The following TUBE1 variants were observed in gnomAD, a reference collection of about 807,000 sequenced individuals.
TUBE1 encodes the protein tubulin epsilon 1.
Under a neutral mutation model 53.5 loss-of-function variants are expected in TUBE1, and 34 were observed. The observed-to-expected ratio is 0.64, with a 90% CI of 0.48 to 0.85. The LOEUF is 0.85. TUBE1 is among the 40% of genes least tolerant of loss of function. The pLI, the probability that TUBE1 is intolerant of heterozygous loss-of-function variation, is 0.00. For synonymous variants in TUBE1, 177 were observed against 198.4 expected, an observed-to-expected ratio of 0.89 and a Z score of 0.91; for missense variants, 532 against 570.5, an observed-to-expected ratio of 0.93 and a Z score of 0.69.
At position 112,071,892 on chromosome 6, in the gene TUBE1, C is replaced by T. The variant is rs200707249; in HGVS notation, c.1269+10G>A. On this transcript the variant is annotated intron_variant, in intron 11 of 11. Coordinates refer to ENST00000368662, the MANE Select transcript of TUBE1 (RefSeq NM_016262.5). ...AAACACATACAGTTACAAAGCTGTA[C>T]AATAATTACCTTTTTCTTGTAGAGC... 6.3e-5 allele frequency: 100 copies of T among 1,588,470 alleles called. No homozygotes were observed. The highest frequency in any genetic ancestry group is 1.8e-4 in the African/African-American group (13 of 73,612).
chr6:112,081,047 CATTT>C, intron 5 of TUBE1, 41 bp downstream of exon 5: 1 of 1,214,696 alleles, frequency 8.2e-7, no homozygotes, highest in Non-Finnish European at 1.2e-6. Context: ...AAAGATTGCT[CATTT>C]TTTTCAGAAG....
intron 3 of TUBE1, chr6:112,085,604 A>T: frequency 2.2e-6 from 1 of 462,646 alleles, no homozygotes; most frequent in Non-Finnish European, 4.5e-6. Context: ...AATAAGAGGG[A>T]ATCTATAGTC....
Position 112,087,117 on chromosome 6 carries a change from G to A in TUBE1, c.99+116C>T, listed in dbSNP as rs1451430836. The A allele has an allele frequency of 5.8e-6, 5 of 865,372 alleles. No individual in the cohort carries two copies. The Admixed American group carries it at 8.3e-5, about 14-fold the overall frequency. The allele number at this position is 865,372 out of a possible 1,614,324, so 53.6% of individuals were successfully genotyped here. On this transcript the variant is annotated intron_variant, in intron 2 of 11. Coordinates refer to ENST00000368662, the MANE Select transcript of TUBE1 (RefSeq NM_016262.5). ...TTTAAAAACCAGTACGTTCTTTACT[G>A]GGAAGATCCCATGCATCTTAAACGG...
chr6:112,074,750 G>GT lies in TUBE1; in HGVS notation c.912dup (p.Pro305ThrfsTer9). On this transcript the variant is annotated frameshift_variant, in exon 9 of 12. Transcript: ENST00000368662. LOFTEE classifies it high-confidence loss of function. The stretch of plus-strand genomic sequence containing the variant: ...TTAACATCTGTCAGTGTATACAGAG[G>GT]TGTTAGGCTTGACACGAGATAATGA... 6.2e-7 allele frequency: 1 copy of GT among 1,606,864 alleles called. No homozygotes were observed. Among genetic ancestry groups the GT allele is most frequent in the Non-Finnish European group, 8.5e-7 (1 of 1,177,026 alleles).
Position 112,072,093 on chromosome 6 carries a change from A to G in TUBE1, c.1095-17T>C, listed in dbSNP as rs368208394. The G allele has an allele frequency of 1.0e-4, 157 of 1,566,828 alleles. No homozygotes were observed. The highest frequency in any genetic ancestry group is 1.3e-4 in the Non-Finnish European group (154 of 1,163,966). On this transcript the variant is annotated splice_polypyrimidine_tract_variant and intron_variant, in intron 10 of 11. Transcript: ENST00000368662. ...GGTTTTAATCTGAGATTAAAAAAAA[A>G]AATCTCAGAAGGTGAGAACTAAGGT...
At chr6:112,086,846 T>A (rs1777167046) in intron 2 of TUBE1, 1 of 517,940 alleles carries the variant, frequency 1.9e-6, no homozygotes, top group Non-Finnish European at 3.4e-6. Context: ...CATAGGACTG[T>A]AGGACAGGTC....
chr6:112,071,056 A>G lies in TUBE1; in HGVS notation c.*356T>C, dbSNP rs1426759152. The G allele has an allele frequency of 2.0e-5, 3 of 151,908 alleles. No individual in the cohort carries two copies. Among genetic ancestry groups the G allele is most frequent in the Non-Finnish European group, 2.9e-5 (2 of 67,970 alleles). The allele number at this position is 151,908 out of a possible 1,614,324, so 9.4% of individuals were successfully genotyped here. Reference sequence around the variant, plus strand: ...ACTTAAATAGAATATCAAAATATAAATTATAAATAATTATAAAAATATATC... The same window carrying G: ...ACTTAAATAGAATATCAAAATATAAGTTATAAATAATTATAAAAATATATC... On this transcript the variant is annotated 3_prime_UTR_variant, in exon 12 of 12. Coordinates refer to ENST00000368662, the MANE Select transcript of TUBE1 (RefSeq NM_016262.5).
intron 1 of TUBE1, 29 bp downstream of exon 1, chr6:112,087,381 C>G: frequency 6.4e-7 from 1 of 1,551,398 alleles, no homozygotes. Context: ...CCGCGGCGAC[C>G]AGGTCTCTAC....
chr6:112,081,032 T>G, intron 5 of TUBE1, 60 bp downstream of exon 5: 2 of 1,078,952 alleles, frequency 1.9e-6, no homozygotes, highest in Admixed American at 1.8e-5. Context: ...AATCTCACAA[T>G]GAAGAAAGAT....
chr6:112,079,799 T>G (rs782041991), intron 5 of TUBE1, 45 bp from the exon 6 acceptor site: 3 of 1,561,194 alleles, frequency 1.9e-6, no homozygotes, highest in Admixed American at 4.0e-5. Context: ...GCATTTATTT[T>G]TTTATTTGAT....
At chr6:112,073,590 G>T (rs1156448407) in intron 9 of TUBE1, among the ~76,000 whole-genome samples, 1 of 152,080 alleles carries the variant, frequency 6.6e-6, no homozygotes, top group Admixed American at 6.6e-5. Context: ...GCTTGTTAAG[G>T]TCATCAGCAT....
chr6:112,076,562 G>A lies in TUBE1; in HGVS notation c.449-53C>T, dbSNP rs148047112. On this transcript the variant is annotated intron_variant, in intron 6 of 11. Transcript: ENST00000368662. ...AGCATAAATGATTCAGAATATAATTGTGAAGAATTTGAAACTTTATTTTTT... is the reference window on the plus strand; with the variant it reads ...AGCATAAATGATTCAGAATATAATTATGAAGAATTTGAAACTTTATTTTTT... The A allele has an allele frequency of 5.6e-5, 82 of 1,458,944 alleles. No individual in the cohort carries two copies. The African/African-American group carries it at 7.6e-4, about 14-fold the overall frequency. The allele number at this position is 1,458,944 out of a possible 1,614,324, so 90.4% of individuals were successfully genotyped here.
At chr6:112,081,050 T>C in intron 5 of TUBE1, 42 bp downstream of exon 5, 1 of 1,264,332 alleles carries the variant, frequency 7.9e-7, no homozygotes, top group Non-Finnish European at 1.1e-6. Flanking sequence ...GATTGCTCAT[T>C]TTTTTCAGAA....
rs141844356 is a variant in TUBE1 at position 112,084,206 on chromosome 6, A to G, written c.193T>C (p.Cys65Arg). The part of the protein sequence containing the change: ...DGGSISKGKI[C>R]SLKARAVLID... ...TATCTTACTCGTGCTTTTAAAGAACATATTTTTCCCTTGGAAATACTTCCA... is the reference window on the plus strand; with the variant it reads ...TATCTTACTCGTGCTTTTAAAGAACGTATTTTTCCCTTGGAAATACTTCCA... Residue 65 changes from cysteine to arginine, a missense_variant, in exon 4 of 12, where the codon TGT (cysteine) becomes CGT (arginine). Cys to Arg is a radical substitution (Grantham distance 180). Transcript: ENST00000368662. 1.0e-4 allele frequency: 165 copies of G among 1,612,856 alleles called. No homozygotes were observed. The highest frequency in any genetic ancestry group is 1.0e-3 in the South Asian group (92 of 91,046).
chr6:112,087,141 G>T, intron 2 of TUBE1, 92 bp downstream of exon 2: 1 of 1,102,330 alleles, frequency 9.1e-7, no homozygotes, highest in Non-Finnish European at 1.3e-6. Flanking sequence ...CATCTTAAAC[G>T]GGTCAGATGA....
At chr6:112,076,621 G>C in intron 6 of TUBE1, 112 bp from the exon 7 acceptor site, 2 of 897,148 alleles carry the variant, frequency 2.2e-6, no homozygotes, top group Non-Finnish European at 3.2e-6. Flanking sequence ...ACCCAGGCTG[G>C]AGTGCAGCAG....
intron 9 of TUBE1, among the ~76,000 whole-genome samples, chr6:112,074,385 A>C (rs1205922821): frequency 6.6e-6 from 1 of 150,378 alleles, no homozygotes; most frequent in South Asian, 2.1e-4. Context: ...CAGATGAGAA[A>C]AACTAAGAAA....
chr6:112,081,699 T>C (rs587681956), intron 4 of TUBE1, among the ~76,000 whole-genome samples: 1 of 150,928 alleles, frequency 6.6e-6, no homozygotes, highest in Admixed American at 6.6e-5. Context: ...TTCCCCCAAG[T>C]AATTCACAAT....
At chr6:112,081,324 T>A in intron 4 of TUBE1, 117 bp from the exon 5 acceptor site, 1 of 445,254 alleles carries the variant, frequency 2.2e-6, no homozygotes, top group Non-Finnish European at 3.9e-6. Context: ...TTAAGCTTAA[T>A]TAAAATCTTT....
Sources: allele counts gnomAD v4.1 joint callset (sites outside exome capture counted in the v4.1 genomes callset), GRCh38; gene constraint gnomAD v4.1.1; transcripts MANE v1.5; gene names NCBI Gene and HGNC (gene_info 2026-07-23, HGNC 2026-07-21).